The following CLEC16A variants were observed in gnomAD, a reference collection of about 807,000 sequenced individuals.
CLEC16A encodes protein CLEC16A.
In CLEC16A, 51 loss-of-function variants were observed where a neutral mutation model predicts 109.5. The ratio of observed to expected loss-of-function variants is 0.47; its 90% CI spans 0.37 to 0.59. CLEC16A has a LOEUF of 0.59. CLEC16A is among the 20% of genes least tolerant of loss of function. The probability of loss-of-function intolerance (pLI) is 0.00; values close to 1 mark genes in which losing one functional copy is unlikely to be tolerated. For synonymous variants in CLEC16A, 673 were observed against 564.2 expected (o/e 1.19, Z -2.73); for missense variants, 1,339 against 1,394.0 (o/e 0.96, Z 0.63).
intron 19 of CLEC16A, among the ~76,000 whole-genome samples, chr16:11,087,402 A>G (rs2050070203): frequency 1.3e-5 from 2 of 152,244 alleles, no homozygotes; most frequent in African/African-American, 4.8e-5. Flanking sequence ...GCACAGGGAG[A>G]GTGAAGCAGT....
intron 17 of CLEC16A, 61 bp downstream of exon 17, chr16:11,047,403 C>G: frequency 1.5e-6 from 2 of 1,331,994 alleles, no homozygotes; most frequent in Non-Finnish European, 2.0e-6. Context: ...CCAAGCTCCC[C>G]CTGCCCATCC....
In CLEC16A at chr16:11,174,313, T is replaced by C. The variant is rs2068654722; in HGVS notation, c.2807-4022T>C. Reference sequence around the variant, plus strand: ...CCTGTGAGCCGCTCGGGCCGCGACGTCCACTCGCCACGCTGCATTTCCACA... The same window carrying C: ...CCTGTGAGCCGCTCGGGCCGCGACGCCCACTCGCCACGCTGCATTTCCACA... On this transcript the variant is annotated intron_variant, in intron 23 of 23. Transcript: ENST00000409790. This position sits in a 1 kb window ranked among gnomAD's most constrained non-coding sequence, Gnocchi z 4.7. 1 of 437,426 alleles carries C rather than the reference T, an allele frequency of 2.3e-6. No homozygotes were observed. Among genetic ancestry groups the C allele is most frequent in the African/African-American group, 2.0e-5 (1 of 49,636 alleles). The allele number at this position is 437,426 out of a possible 1,614,324, so 27.1% of individuals were successfully genotyped here. A position where few individuals can be genotyped will look rare whatever the true frequency, so the allele number is the denominator to read the frequency against.
At chr16:11,102,515 T>C (rs1419820064) in intron 19 of CLEC16A, among the ~76,000 whole-genome samples, 2 of 152,260 alleles carry the variant, frequency 1.3e-5, no homozygotes, top group Non-Finnish European at 2.9e-5. Context: ...TGTGAACTAA[T>C]TTCTGCCAAA....
chr16:11,064,494 G>A (rs1483210786), intron 19 of CLEC16A, among the ~76,000 whole-genome samples: 3 of 152,192 alleles, frequency 2.0e-5, no homozygotes, highest in Admixed American at 2.0e-4. Flanking sequence ...AATGGTTCTA[G>A]GGCTGGATGT....
At chr16:10,990,365 C>T (rs1348722601) in intron 10 of CLEC16A, among the ~76,000 whole-genome samples, 2 of 152,174 alleles carry the variant, frequency 1.3e-5, no homozygotes, top group Non-Finnish European at 2.9e-5. Context: ...TACTAAGGAG[C>T]GTATCGTTGT....
intron 10 of CLEC16A, among the ~76,000 whole-genome samples, chr16:10,983,435 G>A (rs1473013786): frequency 1.3e-5 from 2 of 152,250 alleles, no homozygotes; most frequent in Non-Finnish European, 2.9e-5. Flanking sequence ...TTCTACCCCA[G>A]GCTGCTGCTG....
At chr16:11,162,215 G>A (rs973267241) in intron 22 of CLEC16A, among the ~76,000 whole-genome samples, 5 of 152,358 alleles carry the variant, frequency 3.3e-5, no homozygotes, top group Non-Finnish European at 5.9e-5. Context: ...TGCGCCCCCC[G>A]ACCGTGAAAC....
intron 21 of CLEC16A, 62 bp from the exon 22 acceptor site, chr16:11,125,917 A>G (rs1197825482): frequency 5.7e-6 from 1 of 175,046 alleles, no homozygotes; most frequent in South Asian, 1.0e-4. Flanking sequence ...CCCCCCCCAA[A>G]TTCTCACCAC....
chr16:11,028,586 C>T (rs945904174), intron 13 of CLEC16A, among the ~76,000 whole-genome samples: 4 of 149,846 alleles, frequency 2.7e-5, no homozygotes, highest in Admixed American at 1.3e-4. Flanking sequence ...TTTTAATCAT[C>T]GTAGGAAGCT....
rs1209789628 is a variant in CLEC16A, at chr16:11,160,007, A to G, written c.2642-6381A>G. Among the ~76,000 whole-genome samples the G allele has an allele frequency of 2.0e-5, 3 of 152,084 alleles. No individual in the cohort carries two copies. In the East Asian group the frequency reaches 5.8e-4, roughly 29 times the overall value. ...TTAGTGCTTTTGAGTTGAGTGGAGA[A>G]TCCCCAAATTGAATTCAGAGCCAAC... On this transcript the variant is annotated intron_variant, in intron 22 of 23. Coordinates refer to ENST00000409790, the MANE Select transcript of CLEC16A (RefSeq NM_015226.3).
chr16:11,109,983 A>G (rs920077134), intron 19 of CLEC16A, among the ~76,000 whole-genome samples: 3 of 152,258 alleles, frequency 2.0e-5, no homozygotes, highest in Non-Finnish European at 2.9e-5. Flanking sequence ...ACCAATGCTA[A>G]GAATTAAATT....
chr16:11,169,692 C>G (rs887550824), intron 23 of CLEC16A, among the ~76,000 whole-genome samples: 1 of 152,214 alleles, frequency 6.6e-6, no homozygotes, highest in African/African-American at 2.4e-5. Context: ...CTCTAGCCCA[C>G]GGTTTTGAAC....
chr16:11,015,745 C>A (rs772890973), intron 11 of CLEC16A, among the ~76,000 whole-genome samples: 3 of 152,266 alleles, frequency 2.0e-5, no homozygotes, highest in Admixed American at 6.5e-5. Flanking sequence ...GGGACAACTA[C>A]GTCACAAAGC....
At chr16:11,063,277 CTTTTTTTTTTT>C (rs56409015) in intron 19 of CLEC16A, among the ~76,000 whole-genome samples, 1 of 79,100 alleles carries the variant, frequency 1.3e-5, no homozygotes, top group African/African-American at 5.2e-5. Flanking sequence ...TTCTTCTTTC[CTTTTTTTTTTT>C]TTTTTTTTTT....
intron 22 of CLEC16A, among the ~76,000 whole-genome samples, chr16:11,143,634 C>T (rs1174785159): frequency 2.6e-5 from 4 of 152,196 alleles, no homozygotes; most frequent in Admixed American, 2.6e-4. Flanking sequence ...TCAGAGCAGA[C>T]AGGATAGGGA....
In CLEC16A at chr16:10,963,930, G is replaced by A. The variant is rs142122574; in HGVS notation, c.343+1342G>A. ...CCCAGCCCAAATTGTCCCCAGTGCC[G>A]AGGCTGAGAAACCCTGGTTTGGTTC... On this transcript the variant is annotated intron_variant, in intron 3 of 23. Coordinates refer to ENST00000409790, the MANE Select transcript of CLEC16A (RefSeq NM_015226.3). 4.9e-3 allele frequency among the ~76,000 whole-genome samples: 748 copies of A among 152,300 alleles called. 28 individuals carry two copies. Among genetic ancestry groups the A allele is most frequent in the Admixed American group, 0.045 (689 of 15,298 alleles).
chr16:11,088,528 C>T (rs1567300991), intron 19 of CLEC16A, among the ~76,000 whole-genome samples: 5 of 152,296 alleles, frequency 3.3e-5, no homozygotes, highest in South Asian at 2.1e-4. Context: ...AGGCCCATGG[C>T]GACCCCTGGG....
chr16:11,147,980 G>GA (rs919975375), intron 22 of CLEC16A, among the ~76,000 whole-genome samples: 12 of 152,016 alleles, frequency 7.9e-5, no homozygotes, highest in Non-Finnish European at 1.2e-4. Context: ...TTGACTTTGA[G>GA]AAAAAAACTC....
chr16:11,113,746 T>C (rs1393017641), intron 19 of CLEC16A, among the ~76,000 whole-genome samples: 1 of 152,236 alleles, frequency 6.6e-6, no homozygotes, highest in Admixed American at 6.5e-5. Context: ...CTTGGCTCTC[T>C]TGAACTCTCT....
Sources: gnomAD v4.1 joint callset for allele counts (sites outside exome capture counted in the v4.1 genomes callset) on GRCh38, gnomAD v4.1.1 for gene constraint, Gnocchi (gnomAD v3.1) non-coding constraint, MANE v1.5 for transcripts, NCBI Gene and HGNC (gene_info 2026-07-23, HGNC 2026-07-21) for gene names.